Variants in GRK4 observed in about 807,000 individuals in gnomAD.
The protein encoded by GRK4 is G protein-coupled receptor kinase 4.
Under a neutral mutation model 77.9 loss-of-function variants are expected in GRK4, and 73 were observed. The ratio of observed to expected loss-of-function variants is 0.94; its 90% CI spans 0.78 to 1.14. GRK4 has a LOEUF of 1.14. GRK4 is among the 50% of genes most tolerant of loss of function. The pLI, the probability that GRK4 is intolerant of heterozygous loss-of-function variation, is 0.00. For synonymous variants in GRK4, 257 were observed against 254.4 expected (o/e 1.01, Z -0.10); for missense variants, 729 against 700.2 (o/e 1.04, Z -0.46).
At chr4:3,031,712 G>A (rs970111973) in intron 12 of GRK4, among the ~76,000 whole-genome samples, 3 of 152,218 alleles carry the variant, frequency 2.0e-5, no homozygotes, top group Admixed American at 6.5e-5. Flanking sequence ...CAGAGAGGAA[G>A]CTGCTTGGAG....
intron 5 of GRK4, among the ~76,000 whole-genome samples, chr4:3,006,442 A>G (rs1054263628): frequency 2.6e-5 from 4 of 151,834 alleles, no homozygotes; most frequent in African/African-American, 9.7e-5. Flanking sequence ...TTGGATATTC[A>G]CATTAATGGT....
At chr4:3,034,432 G>C (rs1231136313) in intron 12 of GRK4, among the ~76,000 whole-genome samples, 2 of 152,202 alleles carry the variant, frequency 1.3e-5, no homozygotes, top group African/African-American at 4.8e-5. Context: ...GGGTGGTGTC[G>C]ATAAAGCCTT....
At chr4:2,967,034 T>A (rs1438194824) in intron 1 of GRK4, 1 of 152,136 alleles carries the variant, frequency 6.6e-6, no homozygotes, top group Non-Finnish European at 1.5e-5. Flanking sequence ...GGAACCCTCG[T>A]GAATGGTATT....
intron 1 of GRK4, among the ~76,000 whole-genome samples, chr4:2,980,450 T>C (rs1158205659): frequency 6.6e-6 from 1 of 151,882 alleles, no homozygotes; most frequent in African/African-American, 2.4e-5. Flanking sequence ...ACCCCACTCA[T>C]GGGCCTGGTA....
At chr4:3,009,802 C>A (rs1171750497) in intron 7 of GRK4, 91 bp downstream of exon 7, 4 of 848,860 alleles carry the variant, frequency 4.7e-6, no homozygotes, top group Non-Finnish European at 7.8e-6. Flanking sequence ...CATCAGCTCT[C>A]CCAGTACACT....
intron 1 of GRK4, among the ~76,000 whole-genome samples, chr4:2,981,248 T>C (rs1722783123): frequency 6.6e-6 from 1 of 152,114 alleles, no homozygotes; most frequent in Non-Finnish European, 1.5e-5. Context: ...ACGTGGTGAG[T>C]TGGGGGGTGT....
intron 4 of GRK4, among the ~76,000 whole-genome samples, chr4:2,996,673 TAGAG>T (rs1451381466): frequency 6.6e-6 from 1 of 151,662 alleles, no homozygotes; most frequent in Non-Finnish European, 1.5e-5. Context: ...CACTTGGTAA[TAGAG>T]AGATGTTTAT....
chr4:3,037,732 T>C (rs1011969046), intron 14 of GRK4, among the ~76,000 whole-genome samples: 1 of 151,892 alleles, frequency 6.6e-6, no homozygotes, highest in East Asian at 1.9e-4. Flanking sequence ...CTGGCCAACA[T>C]AGTGAAACCC....
At chr4:2,988,618 A>G (rs1221319276) in intron 2 of GRK4, 109 bp from the exon 3 acceptor site, 2 of 628,832 alleles carry the variant, frequency 3.2e-6, no homozygotes, top group South Asian at 1.7e-5. Context: ...TACGGCAAAT[A>G]CTGTTCTTGA....
At position 2,995,984 on chromosome 4, in the gene GRK4, A is replaced by C. The variant is rs77018903; in HGVS notation, c.339+3692A>C. ...GGGACCACTAGCAAGTGGCTTCAAGAAGTAATTATTTAGCTCAAGGGGGAG... is the reference window on the plus strand; with the variant it reads ...GGGACCACTAGCAAGTGGCTTCAAGCAGTAATTATTTAGCTCAAGGGGGAG... On this transcript the variant is annotated intron_variant, in intron 4 of 15. Transcript: ENST00000398052. Among the ~76,000 whole-genome samples the C allele has an allele frequency of 6.4e-3, 971 of 152,274 alleles. 8 individuals carry two copies. Among genetic ancestry groups the C allele is most frequent in the African/African-American group, 0.022 (903 of 41,552 alleles).
intron 4 of GRK4, among the ~76,000 whole-genome samples, chr4:3,001,849 C>A (rs1198521468): frequency 6.6e-6 from 1 of 152,160 alleles, no homozygotes; most frequent in Non-Finnish European, 1.5e-5. Flanking sequence ...GGTCGCTTGG[C>A]CCTATCACAG....
At chr4:3,010,557 T>C (rs1732621933) in intron 7 of GRK4, among the ~76,000 whole-genome samples, 2 of 152,128 alleles carry the variant, frequency 1.3e-5, no homozygotes, top group South Asian at 4.1e-4. Context: ...ATGGGTCTCC[T>C]AGATGGAGAC....
At chr4:3,028,946 A>AT (rs1322145601) in intron 11 of GRK4, among the ~76,000 whole-genome samples, 1 of 152,000 alleles carries the variant, frequency 6.6e-6, no homozygotes, top group Non-Finnish European at 1.5e-5. Context: ...TAATTTTTGT[A>AT]TTTTTAGTAG....
chr4:2,985,747 C>A, intron 2 of GRK4: 1 of 321,470 alleles, frequency 3.1e-6, no homozygotes, highest in South Asian at 2.4e-5. Context: ...GCCCGTAATC[C>A]CAGCACTTTG....
At chr4:2,994,100 A>G (rs1239387420) in intron 4 of GRK4, among the ~76,000 whole-genome samples, 1 of 152,246 alleles carries the variant, frequency 6.6e-6, no homozygotes, top group Non-Finnish European at 1.5e-5. Flanking sequence ...CCAGCCTTAC[A>G]GATTACTCTC....
intron 12 of GRK4, among the ~76,000 whole-genome samples, chr4:3,033,893 C>T (rs1206319725): frequency 1.3e-5 from 2 of 152,304 alleles, no homozygotes; most frequent in Admixed American, 6.5e-5. Context: ...TCTTCACATC[C>T]GTTTTAAATT....
chr4:3,019,515 CAT>C (rs1735487512), intron 8 of GRK4, 124 bp from the exon 9 acceptor site: 2 of 824,976 alleles, frequency 2.4e-6, no homozygotes, highest in Middle Eastern at 3.0e-4. Context: ...TTCTCTGAAA[CAT>C]ATAGTATTCA....
intron 8 of GRK4, among the ~76,000 whole-genome samples, chr4:3,019,209 T>G (rs2488806): frequency 0.46 from 69,590 of 152,054 alleles, 17,052 homozygotes; most frequent in African/African-American, 0.61. Flanking sequence ...CCACCAGCAT[T>G]ATTCAAACTA....
intron 12 of GRK4, among the ~76,000 whole-genome samples, 163 bp downstream of exon 12, chr4:3,029,572 C>T (rs921919190): frequency 7.2e-5 from 11 of 152,196 alleles, no homozygotes; most frequent in South Asian, 2.1e-4. Context: ...AGGGAGGACA[C>T]GCGTGTTCAG....
Sources: allele counts gnomAD v4.1 joint callset (sites outside exome capture counted in the v4.1 genomes callset), GRCh38; gene constraint gnomAD v4.1.1; transcripts MANE v1.5; gene names NCBI Gene and HGNC (gene_info 2026-07-23, HGNC 2026-07-21).